PCDHGC5: variants seen among roughly 807,000 people sequenced by gnomAD.
The protein encoded by PCDHGC5 is protocadherin gamma subfamily C, 5.
PCDHGC5 carries 25 observed loss-of-function variants against 59.0 expected under a neutral mutation model. The ratio of observed to expected loss-of-function variants is 0.42; its 90% CI spans 0.31 to 0.59. The LOEUF (loss-of-function observed/expected upper bound fraction) is 0.59, where lower values mean the gene tolerates loss of function less well. Ranked by LOEUF, PCDHGC5 falls within the 20% of genes least tolerant of loss-of-function variation. The probability of loss-of-function intolerance (pLI) is 0.13; values close to 1 mark genes in which losing one functional copy is unlikely to be tolerated. For synonymous variants in PCDHGC5, 434 were observed against 505.5 expected (o/e 0.86, Z 1.90); for missense variants, 1,067 against 1,206.4 (o/e 0.88, Z 1.71).
At chr5:141,500,293 C>T (rs1380080572) in intron 2 of PCDHGC5, among the ~76,000 whole-genome samples, 3 of 151,870 alleles carry the variant, frequency 2.0e-5, no homozygotes, top group Non-Finnish European at 4.4e-5. Flanking sequence ...ACTGCAAGCT[C>T]CGCCTCCCAG....
chr5:141,501,500 C>G (rs1385290676), intron 2 of PCDHGC5, among the ~76,000 whole-genome samples: 1 of 151,934 alleles, frequency 6.6e-6, no homozygotes, highest in Non-Finnish European at 1.5e-5. Context: ...GCTGCTGGGG[C>G]TCCAAGGCCT....
chr5:141,507,661 C>T (rs1328943034), intron 3 of PCDHGC5, among the ~76,000 whole-genome samples: 1 of 152,236 alleles, frequency 6.6e-6, no homozygotes, highest in Non-Finnish European at 1.5e-5. Context: ...GCTTTTTAGC[C>T]TAAATCCAGA....
chr5:141,492,558 G>A (rs879634396), intron 1 of PCDHGC5, among the ~76,000 whole-genome samples: 1 of 152,236 alleles, frequency 6.6e-6, no homozygotes, highest in South Asian at 2.1e-4. Context: ...CGCCTGGGGG[G>A]CGGCCTGAGC....
intron 1 of PCDHGC5, 137 bp from the exon 2 acceptor site, chr5:141,494,670 C>T: frequency 6.5e-7 from 1 of 1,529,402 alleles, no homozygotes; most frequent in Non-Finnish European, 8.8e-7. Flanking sequence ...GGAGATGAGT[C>T]CACCCCTGCC....
chr5:141,500,084 C>T (rs1354544132), intron 2 of PCDHGC5, among the ~76,000 whole-genome samples: 1 of 152,030 alleles, frequency 6.6e-6, no homozygotes, highest in Non-Finnish European at 1.5e-5. Flanking sequence ...CCTCCATCTT[C>T]CATTTTTGCA....
At chr5:141,498,530 A>G (rs1275299749) in intron 2 of PCDHGC5, among the ~76,000 whole-genome samples, 1 of 149,364 alleles carries the variant, frequency 6.7e-6, no homozygotes, top group Non-Finnish European at 1.5e-5. Flanking sequence ...ACTGCCCTCC[A>G]GCCTGGTCTG....
At chr5:141,510,315 G>A (rs2099880567) in intron 3 of PCDHGC5, among the ~76,000 whole-genome samples, 1 of 151,324 alleles carries the variant, frequency 6.6e-6, no homozygotes, top group African/African-American at 2.4e-5. Flanking sequence ...TGGAGGCTTG[G>A]AAGAGCACTC....
At chr5:141,498,709 A>G (rs1245852373) in intron 2 of PCDHGC5, among the ~76,000 whole-genome samples, 2 of 152,148 alleles carry the variant, frequency 1.3e-5, no homozygotes, top group African/African-American at 4.8e-5. Context: ...AGGTGGGTGG[A>G]TCACCTGAGG....
Position 141,491,245 on chromosome 5 carries a change from G to A in PCDHGC5, c.2005G>A (p.Glu669Lys), listed in dbSNP as rs1171588507. ...TATVLLVLED[E>K]DPEEMPKSSD... is the part of the protein sequence containing the mutation. ...CACAGTGCTGCTGGTTCTGGAGGATGAGGACCCTGAGGAAATGCCCAAATC... is the reference window on the plus strand; with the variant it reads ...CACAGTGCTGCTGGTTCTGGAGGATAAGGACCCTGAGGAAATGCCCAAATC... Residue 669 changes from glutamate to lysine, a missense_variant, in exon 1 of 4, where the codon GAG becomes AAG. Transcript: ENST00000252087. The surrounding 1 kb of genome is among the most constrained non-coding windows in gnomAD (Gnocchi z 6.9). 2 of 1,614,086 alleles carry A rather than the reference G, an allele frequency of 1.2e-6. No individual in the cohort carries two copies. Among genetic ancestry groups the A allele is most frequent in the East Asian group, 4.5e-5 (2 of 44,888 alleles).
At chr5:141,498,971 G>A (rs866066098) in intron 2 of PCDHGC5, among the ~76,000 whole-genome samples, 16 of 111,052 alleles carry the variant, frequency 1.4e-4, no homozygotes, top group African/African-American at 2.5e-4. Context: ...GAGGGAGGGA[G>A]GGAAGGAAGG....
chr5:141,496,747 A>T (rs13188028), intron 2 of PCDHGC5, among the ~76,000 whole-genome samples: 1 of 152,124 alleles, frequency 6.6e-6, no homozygotes, highest in Non-Finnish European at 1.5e-5. Context: ...CATTTATTCA[A>T]CAAATATTTA....
In PCDHGC5 at chr5:141,489,087, T is replaced by A. The variant is rs2099682381; in HGVS notation, c.-154T>A. ...CCCCCTGCCCACCCCCGCCACTCGG[T>A]GACTAAGAACTGCTGCAAGCAGGCA... is the stretch of plus-strand genomic sequence containing the variant. On this transcript the variant is annotated 5_prime_UTR_variant, in exon 1 of 4. Coordinates refer to ENST00000252087, the MANE Select transcript of PCDHGC5 (RefSeq NM_018929.3). This position sits in a 1 kb window ranked among gnomAD's most constrained non-coding sequence, Gnocchi z 4.5. The A allele has an allele frequency of 4.6e-6, 1 of 216,106 alleles. No individual in the cohort carries two copies. Among genetic ancestry groups the A allele is most frequent in the Non-Finnish European group, 8.4e-6 (1 of 118,734 alleles). 13.4% of individuals were successfully genotyped at this position (216,106 alleles called of 1,614,324 possible). A position where few individuals can be genotyped will look rare whatever the true frequency, so the allele number is the denominator to read the frequency against.
intron 3 of PCDHGC5, among the ~76,000 whole-genome samples, chr5:141,510,266 C>T (rs1202092142): frequency 7.0e-6 from 1 of 143,198 alleles, no homozygotes; most frequent in Non-Finnish European, 1.5e-5. Flanking sequence ...GAGCAGGACT[C>T]CATCTTAAAA....
intron 2 of PCDHGC5, among the ~76,000 whole-genome samples, chr5:141,500,035 CTT>C: frequency 6.6e-6 from 1 of 152,100 alleles, no homozygotes; most frequent in East Asian, 1.9e-4. Flanking sequence ...GTGAGTGTCT[CTT>C]AAGTATCTTA....
chr5:141,510,420 G>A (rs1275392355), intron 3 of PCDHGC5, among the ~76,000 whole-genome samples: 2 of 152,126 alleles, frequency 1.3e-5, no homozygotes, highest in Non-Finnish European at 2.9e-5. Flanking sequence ...TAAAGCCATG[G>A]TTTCATGGCT....
chr5:141,501,290 T>TACACATACACAC (rs1224133816), intron 2 of PCDHGC5, among the ~76,000 whole-genome samples: 9 of 136,158 alleles, frequency 6.6e-5, no homozygotes, highest in Admixed American at 1.6e-4. Context: ...TATTCCCTTA[T>TACACATACACAC]ACACACACAC....
chr5:141,507,196 CCAGAT>C (rs2099859095), intron 3 of PCDHGC5: 1 of 152,374 alleles, frequency 6.6e-6, no homozygotes, highest in Non-Finnish European at 1.5e-5. Context: ...CTTTATTCTT[CCAGAT>C]CAGGGTTGCC....
intron 2 of PCDHGC5, among the ~76,000 whole-genome samples, chr5:141,503,365 G>A (rs2099819492): frequency 6.6e-6 from 1 of 152,020 alleles, no homozygotes; most frequent in East Asian, 1.9e-4. Flanking sequence ...GGGAAGCGGA[G>A]GCAGGTGGAT....
Position 141,491,274 on chromosome 5 carries a change from T to C in PCDHGC5, c.2034T>C (p.Ser678=), listed in dbSNP as rs2099710140. Residue 678 remains serine, a synonymous_variant, in exon 1 of 4, where the codon AGT becomes AGC. Transcript: ENST00000252087. The surrounding 1 kb of genome is among the most constrained non-coding windows in gnomAD (Gnocchi z 6.9). ...DEDPEEMPKS[S]DFLIHPPERS... is the part of the protein sequence containing the mutation. ...ACCCTGAGGAAATGCCCAAATCCAG[T>C]GACTTCCTCATACACCCTCCTGAGC... The C allele has an allele frequency of 6.2e-7, 1 of 1,614,102 alleles. No individual in the cohort carries two copies. Among genetic ancestry groups the C allele is most frequent in the Non-Finnish European group, 8.5e-7 (1 of 1,179,914 alleles).
Sources: gnomAD v4.1 joint callset for allele counts (sites outside exome capture counted in the v4.1 genomes callset) on GRCh38, gnomAD v4.1.1 for gene constraint, Gnocchi (gnomAD v3.1) non-coding constraint, MANE v1.5 for transcripts, NCBI Gene and HGNC (gene_info 2026-07-23, HGNC 2026-07-21) for gene names.